FBXO17: variants seen among roughly 807,000 people sequenced by gnomAD.
The protein encoded by FBXO17 is F-box only protein 17.
In FBXO17, 43 loss-of-function variants were observed where a neutral mutation model predicts 34.1. The ratio of observed to expected loss-of-function variants is 1.26; its 90% CI spans 0.99 to 1.62. FBXO17 has a LOEUF of 1.62. Among genes scored for constraint, FBXO17 ranks in the 40% most tolerant of loss-of-function variants. The pLI is 0.00. For missense variants in FBXO17, 424 were observed against 386.7 expected, an observed-to-expected ratio of 1.10 and a Z score of -0.81; for synonymous variants, 169 against 166.0, an observed-to-expected ratio of 1.02 and a Z score of -0.14.
intron 1 of FBXO17, among the ~76,000 whole-genome samples, chr19:38,970,674 T>A (rs1225707543): frequency 6.6e-6 from 1 of 152,174 alleles, no homozygotes; most frequent in Non-Finnish European, 1.5e-5. Flanking sequence ...TTTTGTATAG[T>A]CTTTAGTTAC....
intron 1 of FBXO17, among the ~76,000 whole-genome samples, chr19:38,965,621 C>A (rs1350164612): frequency 6.6e-6 from 1 of 152,236 alleles, no homozygotes; most frequent in African/African-American, 2.4e-5. Flanking sequence ...GTTCTCCAGC[C>A]TCAGCCTCCT....
At chr19:38,960,532 A>G (rs1256266848) in intron 1 of FBXO17, among the ~76,000 whole-genome samples, 1 of 108,128 alleles carries the variant, frequency 9.2e-6, no homozygotes, top group African/African-American at 4.6e-5. Context: ...TTTTTGAGAC[A>G]GAGTCTCGCT....
At chr19:38,962,932 G>T (rs560667754) in intron 1 of FBXO17, among the ~76,000 whole-genome samples, 1 of 151,932 alleles carries the variant, frequency 6.6e-6, no homozygotes, top group Non-Finnish European at 1.5e-5. Flanking sequence ...GGATGGTCTC[G>T]ATCTCTTGAC....
In FBXO17 at chr19:38,945,075, A is replaced by G. The variant is rs1974954038; in HGVS notation, c.587T>C (p.Val196Ala). 1 of 1,614,200 alleles carries G rather than the reference A, an allele frequency of 6.2e-7. No homozygotes were observed. Among genetic ancestry groups the G allele is most frequent in the Non-Finnish European group, 8.5e-7 (1 of 1,180,042 alleles). ...CAGAAGGCGGACCCGGAGCTGGTAG[A>G]CGCAGCCGCAGTTCTCTCGAGCGCC... Reference protein sequence around the residue: ...WWGARENCGCVYQLRVRLLDV... With the variant: ...WWGARENCGCAYQLRVRLLDV... Residue 196 changes from valine to alanine, a missense_variant, in exon 5 of 6, where the codon GTC (valine) becomes GCC (alanine). Coordinates refer to ENST00000292852, the MANE Select transcript of FBXO17 (RefSeq NM_024907.7).
chr19:38,954,062 G>C (rs1354905909), intron 1 of FBXO17, among the ~76,000 whole-genome samples: 1 of 152,114 alleles, frequency 6.6e-6, no homozygotes. Context: ...TCAGAGAAAT[G>C]TCATATGGCT....
intron 5 of FBXO17, among the ~76,000 whole-genome samples, chr19:38,944,312 G>A (rs1362792551): frequency 6.9e-6 from 1 of 144,402 alleles, no homozygotes; most frequent in Non-Finnish European, 1.5e-5. Context: ...CTGTTGCCCT[G>A]GCTGGAGTGC....
intron 1 of FBXO17, among the ~76,000 whole-genome samples, chr19:38,969,404 T>C (rs1975361497): frequency 7.0e-6 from 1 of 142,310 alleles, no homozygotes; most frequent in Non-Finnish European, 1.5e-5. Context: ...ATCCCGCCAC[T>C]GCACTCCAGC....
At chr19:38,967,568 A>ATT (rs59028401) in intron 1 of FBXO17, among the ~76,000 whole-genome samples, 7 of 148,276 alleles carry the variant, frequency 4.7e-5, no homozygotes, top group Non-Finnish European at 6.0e-5. Context: ...GGAAAATGCA[A>ATT]TTTTTTTTTT....
At chr19:38,963,583 G>A (rs34835162) in intron 1 of FBXO17, among the ~76,000 whole-genome samples, 33,449 of 151,898 alleles carry the variant, frequency 0.22, 4,177 homozygotes, top group South Asian at 0.35. Flanking sequence ...ATGAGCCACC[G>A]CGCTTGGCCC....
chr19:38,951,243 A>G (rs992155007), intron 1 of FBXO17, among the ~76,000 whole-genome samples: 1 of 150,924 alleles, frequency 6.6e-6, no homozygotes, highest in African/African-American at 2.4e-5. Flanking sequence ...AACCAGGACT[A>G]TAGCCTCTAC....
At position 38,950,096 on chromosome 19, in the gene FBXO17, T is replaced by C. The variant is rs776105977; in HGVS notation, c.224A>G (p.Tyr75Cys). Residue 75 changes from tyrosine to cysteine, a missense_variant, in exon 2 of 6, where the codon TAC becomes TGC. By Grantham distance (194) the Tyr-to-Cys change is radical. Transcript: ENST00000292852. ...GGGCAGGCAGCGTTGAGCCACTGCG[T>C]AGAGTGCGCGGCCCTCGGCGCTGCG... is the stretch of plus-strand genomic sequence containing the variant. ...RDRSAEGRAL[Y>C]AVAQRCLPSN... The C allele has an allele frequency of 6.4e-7, 1 of 1,565,510 alleles. No individual in the cohort carries two copies. The highest frequency in any genetic ancestry group is 8.6e-7 in the Non-Finnish European group (1 of 1,157,472).
chr19:38,962,412 G>A (rs918337414), intron 1 of FBXO17, among the ~76,000 whole-genome samples: 2 of 152,106 alleles, frequency 1.3e-5, no homozygotes, highest in Admixed American at 6.6e-5. Context: ...ACATGCGTGC[G>A]GTTTCTTTAG....
chr19:38,957,873 G>A lies in FBXO17; in HGVS notation c.-17-7537C>T, dbSNP rs138965546. ...TTCCAGCACTTTGGGAGGTGGAGGCGGGAGGATTGCTTGAGCCCAGGAGTC... is the reference window on the plus strand; with the variant it reads ...TTCCAGCACTTTGGGAGGTGGAGGCAGGAGGATTGCTTGAGCCCAGGAGTC... On this transcript the variant is annotated intron_variant, in intron 1 of 5. Transcript: ENST00000292852. Among the ~76,000 whole-genome samples the A allele has an allele frequency of 3.4e-3, 521 of 152,134 alleles. 2 individuals carry two copies. Among genetic ancestry groups the A allele is most frequent in the African/African-American group, 8.4e-3 (347 of 41,524 alleles).
intron 5 of FBXO17, among the ~76,000 whole-genome samples, chr19:38,943,886 G>A (rs1035520246): frequency 2.0e-5 from 3 of 152,070 alleles, no homozygotes; most frequent in Admixed American, 6.6e-5. Context: ...CACCACACCC[G>A]GCCCAAAATT....
intron 3 of FBXO17, among the ~76,000 whole-genome samples, chr19:38,947,599 CA>C (rs760158940): frequency 1.3e-4 from 19 of 151,836 alleles, no homozygotes; most frequent in Non-Finnish European, 1.9e-4. Flanking sequence ...AAAACAAAAA[CA>C]AAAACAAAAA....
chr19:38,973,845 G>C lies in FBXO17; in HGVS notation c.-18+1741C>G, dbSNP rs1447796124. Among the ~76,000 whole-genome samples the C allele has an allele frequency of 2.0e-5, 3 of 151,000 alleles. No homozygotes were observed. In the East Asian group the frequency reaches 5.9e-4, roughly 30 times the overall value. On this transcript the variant is annotated intron_variant, in intron 1 of 5. Coordinates refer to ENST00000292852, the MANE Select transcript of FBXO17 (RefSeq NM_024907.7). ...ATAAAAAAATTAGTGGGGTTTGGTG[G>C]GGGGGCGTGCACCTGTAGCCCTAGT...
chr19:38,944,087 A>T (rs1165477112), intron 5 of FBXO17, among the ~76,000 whole-genome samples: 2 of 152,234 alleles, frequency 1.3e-5, no homozygotes, highest in Non-Finnish European at 2.9e-5. Flanking sequence ...GTGGAATCAT[A>T]CAGTATTTGT....
rs150751992 is a variant in FBXO17, at chr19:38,973,428, T to C, written c.-18+2158A>G. Among the ~76,000 whole-genome samples, 516 of 152,278 alleles carry C rather than the reference T, an allele frequency of 3.4e-3. 2 individuals are homozygous for C. The highest frequency in any genetic ancestry group is 0.012 in the African/African-American group (487 of 41,572). On this transcript the variant is annotated intron_variant, in intron 1 of 5. Coordinates refer to ENST00000292852, the MANE Select transcript of FBXO17 (RefSeq NM_024907.7). ...TCCGTGAACAATTTCCCCTGCTGTC[T>C]CTAGCAGGTCTTCTGTGGCTGTTTC...
chr19:38,973,657 A>C (rs1246140250), intron 1 of FBXO17, among the ~76,000 whole-genome samples: 1 of 152,206 alleles, frequency 6.6e-6, no homozygotes, highest in Non-Finnish European at 1.5e-5. Flanking sequence ...TAATATTTAC[A>C]TAAATACAAA....
Sources: allele counts gnomAD v4.1 joint callset (sites outside exome capture counted in the v4.1 genomes callset), GRCh38; gene constraint gnomAD v4.1.1; transcripts MANE v1.5; gene names NCBI Gene and HGNC (gene_info 2026-07-23, HGNC 2026-07-21).